The following LIN7A variants were observed in gnomAD, a reference collection of about 807,000 sequenced individuals.
LIN7A encodes the protein protein lin-7 homolog A.
Under a neutral mutation model 29.8 loss-of-function variants are expected in LIN7A, and 25 were observed. The ratio of observed to expected loss-of-function variants is 0.84; its 90% CI spans 0.61 to 1.17. The LOEUF (loss-of-function observed/expected upper bound fraction) is 1.17, where lower values mean the gene tolerates loss of function less well. Ranked by LOEUF, LIN7A falls within the 50% of genes most tolerant of loss-of-function variation. LIN7A has a pLI of 0.00. For synonymous variants in LIN7A, 118 were observed against 107.5 expected, an observed-to-expected ratio of 1.10 and a Z score of -0.60; for missense variants, 239 against 287.0, an observed-to-expected ratio of 0.83 and a Z score of 1.21.
chr12:80,937,792 A>T lies in LIN7A; in HGVS notation c.-70T>A. On this transcript the variant is annotated 5_prime_UTR_variant, in exon 1 of 6. Transcript: ENST00000552864. ...GGGGTGGAGAGGGAAGACGGAAAGG[A>T]GGGGGAGGAGGGGGAAGGAAGGAAG... is the stretch of plus-strand genomic sequence containing the variant. 5 of 46,626 alleles carry T rather than the reference A, an allele frequency of 1.1e-4. No individual in the cohort carries two copies. Among genetic ancestry groups the T allele is most frequent in the African/African-American group, 3.4e-4 (1 of 2,900 alleles). The allele number at this position is 46,626 out of a possible 1,614,324, so 2.9% of individuals were successfully genotyped here. A position where few individuals can be genotyped will look rare whatever the true frequency, so the allele number is the denominator to read the frequency against.
At chr12:80,875,929 C>T (rs182634776) in intron 2 of LIN7A, among the ~76,000 whole-genome samples, 73 of 152,234 alleles carry the variant, frequency 4.8e-4, no homozygotes, top group African/African-American at 1.7e-3. Flanking sequence ...TATTCTATTA[C>T]ATTTTTGCCC....
intron 2 of LIN7A, among the ~76,000 whole-genome samples, chr12:80,877,331 A>T (rs2701272): frequency 0.68 from 103,154 of 151,458 alleles, 38,967 homozygotes; most frequent in Non-Finnish European, 0.87. Context: ...CTTCACACAA[A>T]GGAATATTAC....
At chr12:80,901,377 C>T (rs186106936) in intron 1 of LIN7A, among the ~76,000 whole-genome samples, 3 of 152,216 alleles carry the variant, frequency 2.0e-5, no homozygotes, top group Middle Eastern at 3.4e-3. Flanking sequence ...AATTTCTTAT[C>T]GGTCTAATGA....
At chr12:80,846,261 T>C (rs1432771949) in intron 3 of LIN7A, among the ~76,000 whole-genome samples, 8 of 152,194 alleles carry the variant, frequency 5.3e-5, no homozygotes, top group African/African-American at 1.9e-4. Context: ...ATAACTTTGT[T>C]ATATGTACTA....
intron 1 of LIN7A, among the ~76,000 whole-genome samples, chr12:80,924,314 C>A: frequency 6.6e-6 from 1 of 152,148 alleles, no homozygotes; most frequent in East Asian, 1.9e-4. Context: ...TGGCAAGTGG[C>A]AGAACTGCAA....
intron 2 of LIN7A, among the ~76,000 whole-genome samples, chr12:80,851,709 A>G (rs1565901662): frequency 6.6e-6 from 1 of 152,156 alleles, no homozygotes; most frequent in Non-Finnish European, 1.5e-5. Flanking sequence ...TGGGGCTTAT[A>G]GACTCCTGAA....
At chr12:80,816,713 A>G (rs963370863) in intron 4 of LIN7A, among the ~76,000 whole-genome samples, 1 of 152,102 alleles carries the variant, frequency 6.6e-6, no homozygotes, top group Non-Finnish European at 1.5e-5. Flanking sequence ...CTTTCAAGTT[A>G]GTTAATTTGA....
chr12:80,920,192 A>G (rs1197573100), intron 1 of LIN7A, among the ~76,000 whole-genome samples: 2 of 152,196 alleles, frequency 1.3e-5, no homozygotes, highest in African/African-American at 2.4e-5. Context: ...TGAGTAAATG[A>G]GCGTGGCGGT....
At chr12:80,870,526 C>T (rs1035766302) in intron 2 of LIN7A, among the ~76,000 whole-genome samples, 1 of 152,182 alleles carries the variant, frequency 6.6e-6, no homozygotes, top group African/African-American at 2.4e-5. Flanking sequence ...GTGGGGAGCA[C>T]AGAGGTCTCA....
At chr12:80,857,099 CCTT>C (rs1873639791) in intron 2 of LIN7A, among the ~76,000 whole-genome samples, 1 of 152,164 alleles carries the variant, frequency 6.6e-6, no homozygotes, top group Non-Finnish European at 1.5e-5. Context: ...GTGAGATACA[CCTT>C]CTTCTCTTTC....
At chr12:80,917,416 C>T (rs1345562418) in intron 1 of LIN7A, among the ~76,000 whole-genome samples, 5 of 152,124 alleles carry the variant, frequency 3.3e-5, no homozygotes, top group Admixed American at 1.3e-4. Flanking sequence ...TAATACTTAA[C>T]TCACAATAGC....
At chr12:80,909,056 C>T (rs1287259651) in intron 1 of LIN7A, among the ~76,000 whole-genome samples, 3 of 152,022 alleles carry the variant, frequency 2.0e-5, no homozygotes, top group Non-Finnish European at 2.9e-5. Context: ...CTCAACGCCT[C>T]AAAGATTTTC....
intron 2 of LIN7A, among the ~76,000 whole-genome samples, chr12:80,857,634 TA>T (rs1394773007): frequency 1.3e-5 from 2 of 152,158 alleles, no homozygotes; most frequent in East Asian, 3.9e-4. Context: ...AAATTGAAAT[TA>T]TTCATAATTT....
At chr12:80,880,751 G>GCACACACACACACACACACACACACA (rs202207302) in intron 2 of LIN7A, among the ~76,000 whole-genome samples, 1 of 136,160 alleles carries the variant, frequency 7.3e-6, no homozygotes, top group Non-Finnish European at 1.6e-5. Flanking sequence ...AGGAGGCAAC[G>GCACACACACACACACACACACACACA]CACACACACA....
At chr12:80,879,328 G>A (rs571486626) in intron 2 of LIN7A, among the ~76,000 whole-genome samples, 1 of 152,062 alleles carries the variant, frequency 6.6e-6, no homozygotes, top group South Asian at 2.1e-4. Flanking sequence ...AGTTTGTGAA[G>A]TTATCCCAAG....
intron 2 of LIN7A, among the ~76,000 whole-genome samples, chr12:80,852,759 A>G (rs1873393938): frequency 6.6e-6 from 1 of 152,160 alleles, no homozygotes; most frequent in Non-Finnish European, 1.5e-5. Context: ...GATGTTATTT[A>G]AAACTTTCTG....
chr12:80,924,926 C>A (rs926981556), intron 1 of LIN7A, among the ~76,000 whole-genome samples: 6 of 152,150 alleles, frequency 3.9e-5, no homozygotes, highest in Admixed American at 1.3e-4. Flanking sequence ...TCCATTTCCA[C>A]TAATATGATG....
At chr12:80,849,404 C>T (rs964612885) in intron 2 of LIN7A, among the ~76,000 whole-genome samples, 2 of 152,106 alleles carry the variant, frequency 1.3e-5, no homozygotes, top group East Asian at 1.9e-4. Context: ...AGGATTTTCC[C>T]TGCCCTGCTT....
intron 2 of LIN7A, chr12:80,861,190 G>T (rs1331787886): frequency 6.6e-6 from 1 of 152,348 alleles, no homozygotes; most frequent in Non-Finnish European, 1.5e-5. Context: ...CTTCCTCACA[G>T]AAAAGGGTCA....
Sources: gnomAD v4.1 joint callset for allele counts (sites outside exome capture counted in the v4.1 genomes callset) on GRCh38, gnomAD v4.1.1 for gene constraint, MANE v1.5 for transcripts, NCBI Gene and HGNC (gene_info 2026-07-23, HGNC 2026-07-21) for gene names.